Variants in ADGRA3 observed in about 807,000 individuals in gnomAD.
ADGRA3 encodes the protein G-protein coupled receptor 125.
ADGRA3 carries 56 observed loss-of-function variants against 119.8 expected under a neutral mutation model. That is an observed-to-expected ratio of 0.47 (90% CI 0.38 to 0.58). The LOEUF is 0.58. Ranked by LOEUF, ADGRA3 falls within the 20% of genes least tolerant of loss-of-function variation. The pLI, the probability that ADGRA3 is intolerant of heterozygous loss-of-function variation, is 0.00. For missense variants in ADGRA3, 1,516 were observed against 1,649.0 expected (o/e 0.92, Z 1.40); for synonymous variants, 607 against 623.8 (o/e 0.97, Z 0.40).
chr4:22,389,694 T>A (rs973300434), intron 17 of ADGRA3, among the ~76,000 whole-genome samples: 10 of 152,086 alleles, frequency 6.6e-5, no homozygotes, highest in Non-Finnish European at 1.2e-4. Context: ...AAGGAAGGTA[T>A]CTGGATCCCA....
intron 1 of ADGRA3, among the ~76,000 whole-genome samples, chr4:22,513,483 A>G (rs1227036206): frequency 4.0e-5 from 6 of 150,970 alleles, no homozygotes; most frequent in Non-Finnish European, 1.5e-5. Flanking sequence ...CCTTAATTGT[A>G]TCTTCTTCCC....
chr4:22,459,278 T>C (rs1402473390), intron 3 of ADGRA3, among the ~76,000 whole-genome samples: 1 of 152,030 alleles, frequency 6.6e-6, no homozygotes, highest in African/African-American at 2.4e-5. Flanking sequence ...TGAGAACACA[T>C]GGATACATAG....
chr4:22,443,401 T>C (rs2109074558), intron 6 of ADGRA3, among the ~76,000 whole-genome samples: 1 of 152,298 alleles, frequency 6.6e-6, no homozygotes, highest in Non-Finnish European at 1.5e-5. Flanking sequence ...ATTTTAAATA[T>C]ATGTACAAAA....
At position 22,397,876 on chromosome 4, in the gene ADGRA3, C is replaced by T. The variant is rs1379241972; in HGVS notation, c.2481+3555G>A. 6.2e-5 allele frequency: 10 copies of T among 162,252 alleles called. No individual in the cohort carries two copies. The Admixed American group carries it at 6.5e-4, about 11-fold the overall frequency. 10.1% of individuals were successfully genotyped at this position (162,252 alleles called of 1,614,324 possible). A position where few individuals can be genotyped will look rare whatever the true frequency, so the allele number is the denominator to read the frequency against. Reference sequence around the variant, plus strand: ...TTAAACCTCTTTCCTTTATAAATTACCCAGTCTCGGGTATGTCTTTATTAG... The same window carrying T: ...TTAAACCTCTTTCCTTTATAAATTATCCAGTCTCGGGTATGTCTTTATTAG... On this transcript the variant is annotated intron_variant, in intron 16 of 18. Transcript: ENST00000334304.
In ADGRA3 at chr4:22,444,877, G is replaced by C. The variant is rs1716769466; in HGVS notation, c.706+96C>G. Reference sequence around the variant, plus strand: ...TGATTACTGGCTGCATACTAGTTCTGTCCAAGTATAAAGAGAATCTTACAA... The same window carrying C: ...TGATTACTGGCTGCATACTAGTTCTCTCCAAGTATAAAGAGAATCTTACAA... On this transcript the variant is annotated intron_variant, in intron 6 of 18. Coordinates refer to ENST00000334304, the MANE Select transcript of ADGRA3 (RefSeq NM_145290.4). The C allele has an allele frequency of 4.0e-6, 5 of 1,249,334 alleles. No homozygotes were observed. The Admixed American group carries it at 7.1e-5, about 18-fold the overall frequency. 77.4% of individuals were successfully genotyped at this position (1,249,334 alleles called of 1,614,324 possible).
intron 17 of ADGRA3, among the ~76,000 whole-genome samples, chr4:22,389,890 G>A (rs902785539): frequency 6.6e-6 from 1 of 152,158 alleles, no homozygotes; most frequent in Admixed American, 6.5e-5. Context: ...TTCTGGGTAA[G>A]TCAGAATCTT....
intron 3 of ADGRA3, among the ~76,000 whole-genome samples, chr4:22,460,968 C>T (rs1464326959): frequency 6.6e-6 from 1 of 152,172 alleles, no homozygotes; most frequent in Non-Finnish European, 1.5e-5. Context: ...CAGACAGCAA[C>T]TGTGAAAGGA....
intron 10 of ADGRA3, among the ~76,000 whole-genome samples, chr4:22,434,233 AGT>A: frequency 6.7e-6 from 1 of 148,560 alleles, no homozygotes; most frequent in Non-Finnish European, 1.5e-5. Context: ...GTGATATATA[AGT>A]GTGTGTATAT....
chr4:22,454,602 T>C (rs1271528769), intron 4 of ADGRA3, among the ~76,000 whole-genome samples: 1 of 152,190 alleles, frequency 6.6e-6, no homozygotes, highest in African/African-American at 2.4e-5. Context: ...AGCATGAACG[T>C]GCTCTCTGTT....
chr4:22,497,631 G>A (rs958193622), intron 1 of ADGRA3, among the ~76,000 whole-genome samples: 4 of 151,936 alleles, frequency 2.6e-5, no homozygotes, highest in African/African-American at 7.3e-5. Flanking sequence ...AGACCAGCCC[G>A]GCCAACATGG....
rs761400583 is a variant in ADGRA3, at chr4:22,491,146, G to A, written c.258-17303C>T. Reference sequence around the variant, plus strand: ...TCTTTCTGCCTGCAGCCAGCCCTCTGAGAGCAATGAGCACAAGGTCCTCCT... The same window carrying A: ...TCTTTCTGCCTGCAGCCAGCCCTCTAAGAGCAATGAGCACAAGGTCCTCCT... On this transcript the variant is annotated intron_variant, in intron 1 of 18. Coordinates refer to ENST00000334304, the MANE Select transcript of ADGRA3 (RefSeq NM_145290.4). Among the ~76,000 whole-genome samples the A allele has an allele frequency of 5.3e-4, 80 of 152,316 alleles. 1 individual carries two copies. In the Middle Eastern group the frequency reaches 0.014, roughly 26 times the overall value.
At chr4:22,507,507 TA>T (rs1719284964) in intron 1 of ADGRA3, among the ~76,000 whole-genome samples, 1 of 152,202 alleles carries the variant, frequency 6.6e-6, no homozygotes, top group Non-Finnish European at 1.5e-5. Context: ...GTCTGTTTTT[TA>T]AACCATCTTT....
chr4:22,449,733 C>T (rs1229425158), intron 4 of ADGRA3, among the ~76,000 whole-genome samples: 1 of 151,872 alleles, frequency 6.6e-6, no homozygotes, highest in East Asian at 1.9e-4. Flanking sequence ...ATAGTCCCTG[C>T]TACTTGGGAG....
chr4:22,428,752 T>A (rs935581859), intron 10 of ADGRA3, among the ~76,000 whole-genome samples: 2 of 152,194 alleles, frequency 1.3e-5, no homozygotes, highest in African/African-American at 4.8e-5. Context: ...AAAAGTGTAT[T>A]TGTCACTCTT....
At chr4:22,496,430 A>T (rs1436456411) in intron 1 of ADGRA3, among the ~76,000 whole-genome samples, 2 of 152,212 alleles carry the variant, frequency 1.3e-5, no homozygotes, top group Non-Finnish European at 2.9e-5. Context: ...CACTCGGCAA[A>T]CATTACCTAT....
intron 3 of ADGRA3, among the ~76,000 whole-genome samples, chr4:22,460,787 T>C (rs1717416577): frequency 6.6e-6 from 1 of 152,230 alleles, no homozygotes; most frequent in Admixed American, 6.5e-5. Context: ...AAATTATTTT[T>C]CTTCCCCTAC....
rs532168952 is a variant in ADGRA3, at chr4:22,423,294, A to G, written c.1605+897T>C. 3.9e-5 allele frequency among the ~76,000 whole-genome samples: 6 copies of G among 152,290 alleles called. No homozygotes were observed. In the East Asian group the frequency reaches 9.6e-4, roughly 24 times the overall value. Reference sequence around the variant, plus strand: ...AGACTCCATTTATTATTCCAAAAAGAAAATACTAAACTTAATTGAGCAAAG... The same window carrying G: ...AGACTCCATTTATTATTCCAAAAAGGAAATACTAAACTTAATTGAGCAAAG... On this transcript the variant is annotated intron_variant, in intron 11 of 18. Coordinates refer to ENST00000334304, the MANE Select transcript of ADGRA3 (RefSeq NM_145290.4).
At chr4:22,426,586 A>G (rs1295945681) in intron 10 of ADGRA3, among the ~76,000 whole-genome samples, 2 of 152,238 alleles carry the variant, frequency 1.3e-5, no homozygotes, top group Non-Finnish European at 2.9e-5. Context: ...TCTGGTGAAG[A>G]AAATGCAAAA....
At chr4:22,512,760 G>C (rs1275124905) in intron 1 of ADGRA3, among the ~76,000 whole-genome samples, 1 of 152,172 alleles carries the variant, frequency 6.6e-6, no homozygotes, top group Non-Finnish European at 1.5e-5. Context: ...CCTGCTAATA[G>C]ATTGATTTGG....
Sources: allele counts gnomAD v4.1 joint callset (sites outside exome capture counted in the v4.1 genomes callset), GRCh38; gene constraint gnomAD v4.1.1; transcripts MANE v1.5; gene names NCBI Gene and HGNC (gene_info 2026-07-23, HGNC 2026-07-21).